The following PTAR1 variants were observed in gnomAD, a reference collection of about 807,000 sequenced individuals.
PTAR1 encodes the protein protein prenyltransferase alpha subunit repeat containing 1, also known as protein prenyltransferase alpha subunit repeat-containing protein 1.
PTAR1 carries 17 observed loss-of-function variants against 45.5 expected under a neutral mutation model. The observed-to-expected ratio is 0.37, with a 90% CI of 0.26 to 0.56. PTAR1 has a LOEUF of 0.56. PTAR1 is among the 20% of genes least tolerant of loss of function. PTAR1 has a pLI of 0.77. For missense variants in PTAR1, 391 were observed against 476.3 expected, an observed-to-expected ratio of 0.82 and a Z score of 1.67; for synonymous variants, 169 against 171.3, an observed-to-expected ratio of 0.99 and a Z score of 0.11.
Position 69,759,965 on chromosome 9 carries a change from C to G in PTAR1, c.-27G>C, listed in dbSNP as rs368924011. 1.4e-6 allele frequency: 2 copies of G among 1,450,778 alleles called. No individual in the cohort carries two copies. Among genetic ancestry groups the G allele is most frequent in the Non-Finnish European group, 1.8e-6 (2 of 1,094,138 alleles). The allele number at this position is 1,450,778 out of a possible 1,614,324, so 89.9% of individuals were successfully genotyped here. ...TTGGCGGCGGCCGCGACAGTTCGGG[C>G]GCGCCTCCGCGTGAGCCGGGCCGCC... is the stretch of plus-strand genomic sequence containing the variant. On this transcript the variant is annotated 5_prime_UTR_variant, in exon 1 of 8. Transcript: ENST00000340434.
rs983611836 is a variant in PTAR1 at position 69,712,864 on chromosome 9, AG to A, written c.*5477del. 1.9e-4 allele frequency: 29 copies of A among 152,146 alleles called. No homozygotes were observed. Among genetic ancestry groups the A allele is most frequent in the African/African-American group, 6.8e-4 (28 of 41,464 alleles). 9.4% of individuals were successfully genotyped at this position (152,146 alleles called of 1,614,324 possible). A position where few individuals can be genotyped will look rare whatever the true frequency, so the allele number is the denominator to read the frequency against. ...ACGAGAATGTTCATACTAGAGCCATAGGGACCAAAGCAGCAAGATAAACAAT... is the reference window on the plus strand; with the variant it reads ...ACGAGAATGTTCATACTAGAGCCATAGGACCAAAGCAGCAAGATAAACAAT... On this transcript the variant is annotated 3_prime_UTR_variant, in exon 8 of 8. Coordinates refer to ENST00000340434, the MANE Select transcript of PTAR1 (RefSeq NM_001099666.2).
chr9:69,738,965 G>A (rs1006459900), intron 3 of PTAR1, among the ~76,000 whole-genome samples: 9 of 151,906 alleles, frequency 5.9e-5, no homozygotes, highest in East Asian at 1.9e-4. Context: ...GCACTGACAC[G>A]CACGGCTAAT....
chr9:69,719,401 T>A (rs1052343482), intron 6 of PTAR1, among the ~76,000 whole-genome samples: 1 of 152,196 alleles, frequency 6.6e-6, no homozygotes, highest in Non-Finnish European at 1.5e-5. Context: ...AAATTTCAAT[T>A]CAGTGGGGGC....
Position 69,716,459 on chromosome 9 carries a change from G to A in PTAR1, c.*1883C>T, listed in dbSNP as rs577725997. Reference sequence around the variant, plus strand: ...AGAAGAACAAATTCTGTCTACTGGGGCCAGGCTAGACAACTTTTCTGGCGT... The same window carrying A: ...AGAAGAACAAATTCTGTCTACTGGGACCAGGCTAGACAACTTTTCTGGCGT... On this transcript the variant is annotated 3_prime_UTR_variant, in exon 8 of 8. Transcript: ENST00000340434. 7 of 152,132 alleles carry A rather than the reference G, an allele frequency of 4.6e-5. No individual in the cohort carries two copies. The highest frequency in any genetic ancestry group is 3.4e-3 in the Middle Eastern group (1 of 294). The allele number at this position is 152,132 out of a possible 1,614,324, so 9.4% of individuals were successfully genotyped here.
Position 69,734,257 on chromosome 9 carries a change from GTAAAA to G in PTAR1, c.324-8_324-4del. The stretch of plus-strand genomic sequence containing the variant: ...TGCCAGAGAGGATCAGCTCTTTCCT[GTAAAA>G]AAAAAAAAAAAAAAAAAAAAAAATT... On this transcript the variant is annotated splice_polypyrimidine_tract_variant and splice_region_variant and intron_variant, in intron 3 of 7. Transcript: ENST00000340434. 1 of 114,732 alleles carries G rather than the reference GTAAAA, an allele frequency of 8.7e-6. No individual in the cohort carries two copies. Among genetic ancestry groups the G allele is most frequent in the Non-Finnish European group, 1.5e-5 (1 of 68,490 alleles). The allele number at this position is 114,732 out of a possible 1,614,324, so 7.1% of individuals were successfully genotyped here.
At chr9:69,753,308 A>G (rs1425330241) in intron 1 of PTAR1, among the ~76,000 whole-genome samples, 3 of 152,182 alleles carry the variant, frequency 2.0e-5, no homozygotes, top group African/African-American at 7.2e-5. Context: ...GAAATACTTT[A>G]TAAAATAAGA....
At chr9:69,747,461 G>A (rs1826322865) in intron 2 of PTAR1, among the ~76,000 whole-genome samples, 2 of 152,204 alleles carry the variant, frequency 1.3e-5, no homozygotes, top group Non-Finnish European at 2.9e-5. Context: ...TCAAAGAATG[G>A]AAGAATGCTG....
chr9:69,745,989 T>C (rs1345620675), intron 2 of PTAR1, among the ~76,000 whole-genome samples: 1 of 152,178 alleles, frequency 6.6e-6, no homozygotes, highest in Non-Finnish European at 1.5e-5. Context: ...TTTAAGAATC[T>C]TCGAATTTAA....
chr9:69,736,187 T>C (rs188387813), intron 3 of PTAR1, among the ~76,000 whole-genome samples: 139 of 152,284 alleles, frequency 9.1e-4, no homozygotes, highest in Middle Eastern at 6.8e-3. Context: ...ATGCAGATCC[T>C]CAGGCCTCAG....
At chr9:69,739,453 G>A (rs1588468648) in intron 3 of PTAR1, among the ~76,000 whole-genome samples, 1 of 149,146 alleles carries the variant, frequency 6.7e-6, no homozygotes, top group Non-Finnish European at 1.5e-5. Flanking sequence ...TCTAAATTAT[G>A]TGTATCACTC....
In PTAR1 at chr9:69,716,902, GAC is replaced by G. The variant is rs1824748587; in HGVS notation, c.*1438_*1439del. 6.6e-6 allele frequency: 1 copy of G among 152,022 alleles called. No homozygotes were observed. The highest frequency in any genetic ancestry group is 2.4e-5 in the African/African-American group (1 of 41,396). 9.4% of individuals were successfully genotyped at this position (152,022 alleles called of 1,614,324 possible). A position where few individuals can be genotyped will look rare whatever the true frequency, so the allele number is the denominator to read the frequency against. On this transcript the variant is annotated 3_prime_UTR_variant, in exon 8 of 8. Transcript: ENST00000340434. ...TAAGAAAGGAAAGGTATACAAAAATGACACACAAAAGTGACAAAAAATACGTA... is the reference window on the plus strand; with the variant it reads ...TAAGAAAGGAAAGGTATACAAAAATGACACAAAAGTGACAAAAAATACGTA...
rs1338264379 is a variant in PTAR1, at chr9:69,710,107, T to C, written c.*8235A>G. On this transcript the variant is annotated 3_prime_UTR_variant, in exon 8 of 8. Coordinates refer to ENST00000340434, the MANE Select transcript of PTAR1 (RefSeq NM_001099666.2). ...CCATAATTACAGGCCTACCTCACCA[T>C]CTCCAAAGTTAAAGTCATATTTTAT... 1 of 152,034 alleles carries C rather than the reference T, an allele frequency of 6.6e-6. No homozygotes were observed. Among genetic ancestry groups the C allele is most frequent in the African/African-American group, 2.4e-5 (1 of 41,424 alleles). 9.4% of individuals were successfully genotyped at this position (152,034 alleles called of 1,614,324 possible).
chr9:69,727,835 T>C lies in PTAR1; in HGVS notation c.643-4205A>G, dbSNP rs980506767. On this transcript the variant is annotated intron_variant, in intron 5 of 7. Coordinates refer to ENST00000340434, the MANE Select transcript of PTAR1 (RefSeq NM_001099666.2). ...AAGCTTTATTCTCTCTAATGTACTT[T>C]AGAATCATTTTTGAAGTGAAAAAAT... is the stretch of plus-strand genomic sequence containing the variant. 3.3e-5 allele frequency among the ~76,000 whole-genome samples: 5 copies of C among 152,298 alleles called. No homozygotes were observed. In the South Asian group the frequency reaches 6.2e-4, roughly 19 times the overall value.
In PTAR1 at chr9:69,756,072, A is replaced by G. The variant is rs1442652483; in HGVS notation, c.86+3781T>C. Among the ~76,000 whole-genome samples the G allele has an allele frequency of 2.0e-5, 3 of 152,314 alleles. No homozygotes were observed. The East Asian group carries it at 5.8e-4, about 29-fold the overall frequency. On this transcript the variant is annotated intron_variant, in intron 1 of 7. Coordinates refer to ENST00000340434, the MANE Select transcript of PTAR1 (RefSeq NM_001099666.2). ...TCTAAACTCAAATTTTTACAACTATACTACACTATTATTTAAATAAATAAA... is the reference window on the plus strand; with the variant it reads ...TCTAAACTCAAATTTTTACAACTATGCTACACTATTATTTAAATAAATAAA...
At chr9:69,723,214 TC>T in intron 6 of PTAR1, 111 bp downstream of exon 6, 1 of 844,400 alleles carries the variant, frequency 1.2e-6, no homozygotes, top group African/African-American at 1.7e-5. Flanking sequence ...AGCTCCACAA[TC>T]AGATGACCAT....
At chr9:69,742,076 C>T (rs1317845497) in intron 2 of PTAR1, among the ~76,000 whole-genome samples, 1 of 152,080 alleles carries the variant, frequency 6.6e-6, no homozygotes, top group Non-Finnish European at 1.5e-5. Context: ...TAAAAGATGA[C>T]ACAAACAATT....
At chr9:69,736,032 A>G (rs1437637021) in intron 3 of PTAR1, among the ~76,000 whole-genome samples, 1 of 151,954 alleles carries the variant, frequency 6.6e-6, no homozygotes, top group Non-Finnish European at 1.5e-5. Context: ...GAAATCAGTA[A>G]CATTTTGTTC....
At chr9:69,737,670 C>CTCA (rs796133170) in intron 3 of PTAR1, among the ~76,000 whole-genome samples, 30 of 152,158 alleles carry the variant, frequency 2.0e-4, no homozygotes, top group African/African-American at 7.0e-4. Context: ...AATGGCCATC[C>CTCA]TCATTAAAAA....
At chr9:69,725,905 C>T (rs749338949) in intron 5 of PTAR1, among the ~76,000 whole-genome samples, 5 of 151,870 alleles carry the variant, frequency 3.3e-5, no homozygotes, top group African/African-American at 4.8e-5. Flanking sequence ...GTATGATATA[C>T]GTTAAATATC....
Sources: gnomAD v4.1 joint callset for allele counts (sites outside exome capture counted in the v4.1 genomes callset) on GRCh38, gnomAD v4.1.1 for gene constraint, MANE v1.5 for transcripts, NCBI Gene and HGNC (gene_info 2026-07-23, HGNC 2026-07-21) for gene names.